Variants in ASXL1 observed in about 807,000 individuals in gnomAD.
ASXL1 encodes ASXL transcriptional regulator 1, also known as polycomb group protein ASXL1.
Under a neutral mutation model 89.1 loss-of-function variants are expected in ASXL1, and 65 were observed. The observed-to-expected ratio is 0.73, with a 90% confidence interval of 0.60 to 0.90. The LOEUF (loss-of-function observed/expected upper bound fraction) is 0.90. Among genes scored for constraint, ASXL1 ranks in the 40% least tolerant of loss-of-function variants. ASXL1 has a pLI of 0.00. For missense variants in ASXL1, 1,786 were observed against 1,942.9 expected (o/e 0.92, Z 1.52); for synonymous variants, 739 against 746.9 (o/e 0.99, Z 0.17).
chr20:32,434,420 C>T lies in ASXL1; in HGVS notation c.1720-12C>T, dbSNP rs749109297. The T allele has an allele frequency of 3.1e-6, 5 of 1,613,650 alleles. No homozygotes were observed. Among genetic ancestry groups the T allele is most frequent in the Non-Finnish European group, 3.4e-6 (4 of 1,179,954 alleles). ...AGTCAGTTAAAACTATTTTCTAATTCTTTTTTTGCAGATTCAACTTTCACG... is the reference window on the plus strand; with the variant it reads ...AGTCAGTTAAAACTATTTTCTAATTTTTTTTTTGCAGATTCAACTTTCACG... On this transcript the variant is annotated splice_polypyrimidine_tract_variant and intron_variant, in intron 12 of 12. Coordinates refer to ENST00000375687, the MANE Select transcript of ASXL1 (RefSeq NM_015338.6).
intron 4 of ASXL1, among the ~76,000 whole-genome samples, chr20:32,407,161 G>T (rs1032068997): frequency 6.6e-6 from 1 of 152,108 alleles, no homozygotes; most frequent in Non-Finnish European, 1.5e-5. Context: ...GGTCAACATG[G>T]TGAAACCCCA....
intron 4 of ASXL1, among the ~76,000 whole-genome samples, chr20:32,388,456 G>A (rs1411879481): frequency 1.3e-5 from 2 of 152,188 alleles, no homozygotes; most frequent in East Asian, 1.9e-4. Flanking sequence ...GATTACAGGC[G>A]TCAGCCACCA....
At chr20:32,381,628 CCTCAGCCTCCTGA>C (rs1462354456) in intron 4 of ASXL1, among the ~76,000 whole-genome samples, 2 of 151,488 alleles carry the variant, frequency 1.3e-5, no homozygotes, top group African/African-American at 4.9e-5. Context: ...CATTCTCCTG[CCTCAGCCTCCTGA>C]GTAGCTGGGA....
At chr20:32,419,561 T>C (rs1196077339) in intron 4 of ASXL1, among the ~76,000 whole-genome samples, 2 of 152,194 alleles carry the variant, frequency 1.3e-5, no homozygotes, top group Non-Finnish European at 2.9e-5. Flanking sequence ...AAAATGATGA[T>C]ATTTCTTTTG....
Position 32,436,592 on chromosome 20 carries a change from C to A in ASXL1, c.3880C>A (p.Gln1294Lys). The A allele has an allele frequency of 6.2e-7, 1 of 1,614,156 alleles. No individual in the cohort carries two copies. Among genetic ancestry groups the A allele is most frequent in the Non-Finnish European group, 8.5e-7 (1 of 1,180,046 alleles). ...PEQTGRALGDQSNVTGQGKKL... is the reference protein window; with the variant it reads ...PEQTGRALGDKSNVTGQGKKL... ...GCAGACAGGTCGGGCCCTGGGTGATCAGAGCAATGTTACAGGCCAAGGGAA... is the reference window on the plus strand; with the variant it reads ...GCAGACAGGTCGGGCCCTGGGTGATAAGAGCAATGTTACAGGCCAAGGGAA... Residue 1294 changes from glutamine to lysine, a missense_variant, in exon 13 of 13, where the codon CAG becomes AAG. Transcript: ENST00000375687.
rs2145395965 is a variant in ASXL1 at position 32,437,129 on chromosome 20, C to T, written c.4417C>T (p.Gln1473Ter). ...FPKGLAGSVV[Q>*]LSHKANFGAS... is the part of the protein sequence containing the mutation. ...CAAAGGCCTTGCTGGAAGTGTGGTGCAGCTGAGCCACAAAGCAAACTTTGG... is the reference window on the plus strand; with the variant it reads ...CAAAGGCCTTGCTGGAAGTGTGGTGTAGCTGAGCCACAAAGCAAACTTTGG... The change falls in exon 13 of 13, where the codon CAG (glutamine) becomes TAG (stop). Residue 1473 changes from glutamine (Q) to a stop codon, truncating the protein, a stop_gained. Transcript: ENST00000375687. LOFTEE classifies it high-confidence loss of function. 6.2e-7 allele frequency: 1 copy of T among 1,614,182 alleles called. No individual in the cohort carries two copies. Among genetic ancestry groups the T allele is most frequent in the Non-Finnish European group, 8.5e-7 (1 of 1,180,034 alleles).
rs141321053 is a variant in ASXL1, at chr20:32,363,479, C to T, written c.58-2905C>T. Reference sequence around the variant, plus strand: ...TGGTCTTCTGGGGATGAAGAAGGTCCAGACGCAGGAACAGAATTTTACTAC... The same window carrying T: ...TGGTCTTCTGGGGATGAAGAAGGTCTAGACGCAGGAACAGAATTTTACTAC... On this transcript the variant is annotated intron_variant, in intron 1 of 12. Transcript: ENST00000375687. Among the ~76,000 whole-genome samples, 62 of 152,242 alleles carry T rather than the reference C, an allele frequency of 4.1e-4. No individual in the cohort carries two copies. In the East Asian group the frequency reaches 8.1e-3, roughly 20 times the overall value.
At position 32,438,252 on chromosome 20, in the gene ASXL1, G is replaced by A. The variant is rs1413572739; in HGVS notation, c.*914G>A. The A allele has an allele frequency of 8.6e-6, 2 of 233,390 alleles. No homozygotes were observed. Among genetic ancestry groups the A allele is most frequent in the Non-Finnish European group, 1.7e-5 (2 of 117,946 alleles). 14.5% of individuals were successfully genotyped at this position (233,390 alleles called of 1,614,324 possible). A position where few individuals can be genotyped will look rare whatever the true frequency, so the allele number is the denominator to read the frequency against. On this transcript the variant is annotated 3_prime_UTR_variant, in exon 13 of 13. Transcript: ENST00000375687. The stretch of plus-strand genomic sequence containing the variant: ...GTATAAAGTGAACTTTTTGGCTTCT[G>A]TAAGTATGCTCTATGCACCTCTAAT...
At chr20:32,428,968 G>A in intron 6 of ASXL1, 1 of 352,092 alleles carries the variant, frequency 2.8e-6, no homozygotes, top group South Asian at 2.3e-5. Flanking sequence ...GCCTGATTCT[G>A]TTCATTCTTG....
chr20:32,376,901 A>T (rs1364266876), intron 4 of ASXL1, among the ~76,000 whole-genome samples: 2 of 143,334 alleles, frequency 1.4e-5, no homozygotes, highest in Non-Finnish European at 3.0e-5. Context: ...AAATAAAAAT[A>T]AAAAATTGCA....
Position 32,436,761 on chromosome 20 carries a change from A to G in ASXL1, c.4049A>G (p.Gln1350Arg), listed in dbSNP as rs764491073. Residue 1350 changes from glutamine to arginine, a missense_variant, in exon 13 of 13, where the codon CAG (glutamine) becomes CGG (arginine). Physicochemically the swap from Gln to Arg is conservative, Grantham distance 43 (BLOSUM62 1). Transcript: ENST00000375687. Reference protein sequence around the residue: ...PSTNSMSGGVQTPREDWAPKP... With the variant: ...PSTNSMSGGVRTPREDWAPKP... ...ACAAACTCCATGTCTGGTGGGGTAC[A>G]GACTCCAAGGGAAGACTGGGCTCCA... The G allele has an allele frequency of 1.2e-6, 2 of 1,614,182 alleles. No homozygotes were observed. Among genetic ancestry groups the G allele is most frequent in the Admixed American group, 1.7e-5 (1 of 60,022 alleles).
chr20:32,410,796 A>G (rs772853025), intron 4 of ASXL1, among the ~76,000 whole-genome samples: 43 of 152,198 alleles, frequency 2.8e-4, no homozygotes, highest in Admixed American at 5.2e-4. Flanking sequence ...TGGGAGACCG[A>G]GGTGGGTGGA....
intron 4 of ASXL1, among the ~76,000 whole-genome samples, chr20:32,417,836 A>G (rs562902477): frequency 5.9e-5 from 9 of 152,014 alleles, no homozygotes; most frequent in Admixed American, 5.9e-4. Flanking sequence ...TGCGCTCAGG[A>G]GTTCAAGAGC....
intron 1 of ASXL1, chr20:32,359,881 G>A (rs2048081280): frequency 1.4e-6 from 1 of 716,096 alleles, no homozygotes; most frequent in East Asian, 2.7e-5. Context: ...AGTAGTAACA[G>A]GTTATACTAA....
rs767856107 is a variant in ASXL1 at position 32,432,840 on chromosome 20, TC to T, written c.980-37del. ...GCTGTCCATAAGACAGACATTAATA[TC>T]CCGAATGCACTTACTAGAAGAGGTT... On this transcript the variant is annotated intron_variant, in intron 10 of 12. Coordinates refer to ENST00000375687, the MANE Select transcript of ASXL1 (RefSeq NM_015338.6). The T allele has an allele frequency of 2.5e-5, 40 of 1,609,080 alleles. No homozygotes were observed. In the African/African-American group the frequency reaches 4.9e-4, roughly 20 times the overall value.
intron 4 of ASXL1, among the ~76,000 whole-genome samples, chr20:32,372,926 T>A (rs1204763515): frequency 6.7e-6 from 1 of 149,524 alleles, no homozygotes; most frequent in Non-Finnish European, 1.5e-5. Flanking sequence ...TGATAAATAC[T>A]GTTTATGATT....
At chr20:32,414,106 C>T (rs1348250174) in intron 4 of ASXL1, among the ~76,000 whole-genome samples, 1 of 152,110 alleles carries the variant, frequency 6.6e-6, no homozygotes, top group African/African-American at 2.4e-5. Flanking sequence ...GGATCTGTTT[C>T]TCTCCTGTGT....
At chr20:32,392,160 C>T (rs928717532) in intron 4 of ASXL1, among the ~76,000 whole-genome samples, 1 of 151,982 alleles carries the variant, frequency 6.6e-6, no homozygotes, top group African/African-American at 2.4e-5. Flanking sequence ...GCCACCCAGG[C>T]TGGGGTGCTA....
intron 4 of ASXL1, among the ~76,000 whole-genome samples, chr20:32,399,526 A>T (rs2048832424): frequency 2.1e-5 from 3 of 140,514 alleles, no homozygotes; most frequent in South Asian, 2.2e-4. Flanking sequence ...CATTTTTTTC[A>T]AATTATTTTC....
Sources: allele counts gnomAD v4.1 joint callset (sites outside exome capture counted in the v4.1 genomes callset), GRCh38; gene constraint gnomAD v4.1.1; transcripts MANE v1.5; gene names NCBI Gene and HGNC (gene_info 2026-07-23, HGNC 2026-07-21).